The following AP4E1 variants were observed in gnomAD, a reference collection of about 807,000 sequenced individuals.
The protein encoded by AP4E1 is adaptor related protein complex 4 subunit epsilon 1.
A neutral mutation model predicts 128.2 loss-of-function variants in AP4E1; 56 were observed. That is an observed-to-expected ratio of 0.44 (90% CI 0.35 to 0.55). AP4E1 has a LOEUF of 0.55. Among genes scored for constraint, AP4E1 ranks in the 20% least tolerant of loss-of-function variants. The pLI is 0.00. For synonymous variants in AP4E1, 484 were observed against 473.1 expected, an observed-to-expected ratio of 1.02 and a Z score of -0.30; for missense variants, 1,324 against 1,307.7, an observed-to-expected ratio of 1.01 and a Z score of -0.19.
intron 13 of AP4E1, among the ~76,000 whole-genome samples, chr15:50,952,023 G>A (rs982344296): frequency 1.3e-5 from 2 of 151,476 alleles, no homozygotes; most frequent in African/African-American, 2.4e-5. Context: ...CACCACACCC[G>A]GCCCAGTTAA....
At chr15:50,916,522 C>T (rs1331375322) in intron 3 of AP4E1, among the ~76,000 whole-genome samples, 2 of 152,114 alleles carry the variant, frequency 1.3e-5, no homozygotes, top group African/African-American at 4.8e-5. Context: ...GGTTAGAACA[C>T]GTTCTTTATT....
chr15:50,965,737 A>C (rs1484149722), intron 14 of AP4E1, among the ~76,000 whole-genome samples: 2 of 152,132 alleles, frequency 1.3e-5, no homozygotes, highest in Non-Finnish European at 2.9e-5. Flanking sequence ...GAATCCAAAA[A>C]AGTGGTTTTC....
At chr15:50,968,238 T>G in intron 14 of AP4E1, 25 bp from the exon 15 acceptor site, 1 of 1,474,018 alleles carries the variant, frequency 6.8e-7, no homozygotes, top group Non-Finnish European at 9.4e-7. Context: ...ATTTAATTCC[T>G]AATTTTTGCT....
intron 13 of AP4E1, among the ~76,000 whole-genome samples, chr15:50,954,857 A>G (rs12593765): frequency 0.21 from 31,617 of 151,938 alleles, 3,845 homozygotes; most frequent in East Asian, 0.45. Flanking sequence ...CCCCTACCCC[A>G]CAACAGGCCC....
At chr15:50,983,215 T>C (rs753925130) in intron 15 of AP4E1, among the ~76,000 whole-genome samples, 21 of 152,352 alleles carry the variant, frequency 1.4e-4, no homozygotes, top group Non-Finnish European at 2.9e-4. Flanking sequence ...GCATCTTTGG[T>C]GTTCCACTTT....
At chr15:50,957,166 A>G (rs2064235770) in intron 13 of AP4E1, among the ~76,000 whole-genome samples, 1 of 152,192 alleles carries the variant, frequency 6.6e-6, no homozygotes, top group Non-Finnish European at 1.5e-5. Context: ...GGTGTCCAGG[A>G]AAAATGAGGT....
chr15:50,926,065 T>G (rs16963985), intron 5 of AP4E1, among the ~76,000 whole-genome samples: 25,995 of 152,068 alleles, frequency 0.17, 2,448 homozygotes, highest in African/African-American at 0.23. Context: ...CAGACTGACT[T>G]ACTTTTCACT....
At chr15:50,985,799 T>C (rs971143319) in intron 16 of AP4E1, among the ~76,000 whole-genome samples, 1 of 152,190 alleles carries the variant, frequency 6.6e-6, no homozygotes, top group African/African-American at 2.4e-5. Flanking sequence ...TGCGGGCTCT[T>C]TTTTGATTCC....
intron 17 of AP4E1, 30 bp from the exon 18 acceptor site, chr15:50,997,295 CT>C: frequency 6.5e-7 from 1 of 1,535,722 alleles, no homozygotes. Context: ...AGAATGATTT[CT>C]TTTTATATTA....
At chr15:50,955,399 T>C (rs1162942601) in intron 13 of AP4E1, among the ~76,000 whole-genome samples, 2 of 152,214 alleles carry the variant, frequency 1.3e-5, no homozygotes, top group Admixed American at 6.5e-5. Flanking sequence ...TGGTATCTCA[T>C]TGTGGTTTTG....
intron 20 of AP4E1, among the ~76,000 whole-genome samples, chr15:51,001,930 G>A (rs1432607159): frequency 6.6e-6 from 1 of 152,082 alleles, no homozygotes; most frequent in African/African-American, 2.4e-5. Flanking sequence ...CCATGCTGGA[G>A]TACAGTGGTG....
chr15:50,986,464 T>A (rs1016111240), intron 16 of AP4E1, among the ~76,000 whole-genome samples: 12 of 152,222 alleles, frequency 7.9e-5, no homozygotes, highest in African/African-American at 2.9e-4. Flanking sequence ...TAGCTCTTAT[T>A]ATTTTGAGAT....
intron 5 of AP4E1, among the ~76,000 whole-genome samples, chr15:50,927,648 T>C (rs1459000613): frequency 6.6e-6 from 1 of 152,058 alleles, no homozygotes; most frequent in Non-Finnish European, 1.5e-5. Context: ...AAATCTGTTA[T>C]TAATCTGCCT....
chr15:50,908,626 G>T, upstream of AP4E1: 1 of 1,042,690 alleles, frequency 9.6e-7, no homozygotes. Flanking sequence ...TCGCGAGAAC[G>T]ACGCTGAACT....
chr15:50,953,050 C>G (rs2064172598), intron 13 of AP4E1, among the ~76,000 whole-genome samples: 1 of 152,036 alleles, frequency 6.6e-6, no homozygotes, highest in African/African-American at 2.4e-5. Flanking sequence ...GACCTAGTCT[C>G]TACCAAAGGG....
intron 4 of AP4E1, 105 bp from the exon 5 acceptor site, chr15:50,924,993 A>C: frequency 7.5e-7 from 1 of 1,336,926 alleles, no homozygotes; most frequent in Non-Finnish European, 1.1e-6. Flanking sequence ...ATTAATTATA[A>C]ATAGCACAAA....
chr15:50,941,798 A>G (rs758452679), intron 10 of AP4E1, 23 bp downstream of exon 10: 3 of 1,572,866 alleles, frequency 1.9e-6, no homozygotes, highest in South Asian at 2.2e-5. Flanking sequence ...TTTGAATAGT[A>G]TATGTGAAGT....
intron 14 of AP4E1, among the ~76,000 whole-genome samples, chr15:50,964,997 C>T (rs1407867417): frequency 5.6e-5 from 4 of 71,072 alleles, no homozygotes. Flanking sequence ...ACACACTGGA[C>T]TTTCCCTTTC....
intron 5 of AP4E1, among the ~76,000 whole-genome samples, chr15:50,927,503 G>T (rs537060538): frequency 6.8e-6 from 1 of 147,032 alleles, no homozygotes; most frequent in African/African-American, 2.5e-5. Flanking sequence ...GTGAACTCCT[G>T]GGCCTATTCA....
Sources: gnomAD v4.1 joint callset for allele counts (sites outside exome capture counted in the v4.1 genomes callset) on GRCh38, gnomAD v4.1.1 for gene constraint, MANE v1.5 for transcripts, NCBI Gene and HGNC (gene_info 2026-07-23, HGNC 2026-07-21) for gene names.